The following TNFRSF10A variants were observed in gnomAD, a reference collection of about 807,000 sequenced individuals.
TNFRSF10A encodes tumor necrosis factor receptor superfamily member 10A.
Under a neutral mutation model 42.8 loss-of-function variants are expected in TNFRSF10A, and 44 were observed. The observed-to-expected ratio is 1.03, with a 90% CI of 0.81 to 1.32. The LOEUF (loss-of-function observed/expected upper bound fraction) is 1.32, where lower values mean the gene tolerates loss of function less well. TNFRSF10A is among the 40% of genes most tolerant of loss of function. The pLI is 0.00. For missense variants in TNFRSF10A, 680 were observed against 602.0 expected (o/e 1.13, Z -1.36); for synonymous variants, 259 against 234.2 (o/e 1.11, Z -0.97).
At position 23,199,324 on chromosome 8, in the gene TNFRSF10A, T is replaced by C. The variant is rs143024890; in HGVS notation, c.956A>G (p.Glu319Gly). The C allele has an allele frequency of 3.0e-5, 48 of 1,614,034 alleles. No individual in the cohort carries two copies. The African/African-American group carries it at 4.3e-4, about 14-fold the overall frequency. ...FVSEQQMESQ[E>G]PADLTGVTVQ... ...AGTGACACCTGTCAAATCTGCCGGC[T>C]CCTGGCTTTCCATTTGCTGCTCAGA... The change falls in exon 8 of 10, where the codon GAG becomes GGG. Residue 319 changes from glutamate (E) to glycine (G), a missense_variant. Physicochemically the swap from Glu to Gly is moderately conservative, Grantham distance 98. Coordinates refer to ENST00000221132, the MANE Select transcript of TNFRSF10A (RefSeq NM_003844.4).
At chr8:23,192,901 A>C (rs574747732) in intron 9 of TNFRSF10A, among the ~76,000 whole-genome samples, 1 of 152,220 alleles carries the variant, frequency 6.6e-6, no homozygotes, top group Non-Finnish European at 1.5e-5. Flanking sequence ...TCTCAAAAAA[A>C]GTAGCAAAGA....
At chr8:23,198,675 T>C (rs1186309174) in intron 8 of TNFRSF10A, among the ~76,000 whole-genome samples, 1 of 152,158 alleles carries the variant, frequency 6.6e-6, no homozygotes, top group Admixed American at 6.5e-5. Flanking sequence ...CATGAACTGG[T>C]ACAAACCAAC....
intron 3 of TNFRSF10A, 140 bp from the exon 4 acceptor site, chr8:23,202,059 C>T: frequency 1.4e-6 from 1 of 694,050 alleles, no homozygotes; most frequent in Non-Finnish European, 2.5e-6. Context: ...TCTGCACCAG[C>T]ACACTCGGGC....
intron 1 of TNFRSF10A, among the ~76,000 whole-genome samples, chr8:23,217,871 G>A (rs1433907708): frequency 2.0e-5 from 3 of 152,178 alleles, no homozygotes; most frequent in Non-Finnish European, 2.9e-5. Flanking sequence ...TCAATAACCC[G>A]AGTCACGAGG....
chr8:23,218,167 A>T (rs896061833), intron 1 of TNFRSF10A, among the ~76,000 whole-genome samples: 9 of 150,580 alleles, frequency 6.0e-5, no homozygotes, highest in African/African-American at 2.2e-4. Context: ...TGTGTGTGTG[A>T]GAGAGAGAGA....
At position 23,190,759 on chromosome 8, in the gene TNFRSF10A, C is replaced by T. The variant is rs1800743296; in HGVS notation, c.*935G>A. 1 of 152,144 alleles carries T rather than the reference C, an allele frequency of 6.6e-6. No homozygotes were observed. The allele number at this position is 152,144 out of a possible 1,614,324, so 9.4% of individuals were successfully genotyped here. ...TCTGATAATGGAGGTTGAGAAGTTC[C>T]ACAACAGGCCATCTGCACAGCAGAG... is the stretch of plus-strand genomic sequence containing the variant. On this transcript the variant is annotated 3_prime_UTR_variant, in exon 10 of 10. Coordinates refer to ENST00000221132, the MANE Select transcript of TNFRSF10A (RefSeq NM_003844.4).
intron 2 of TNFRSF10A, among the ~76,000 whole-genome samples, chr8:23,204,874 C>T (rs1292640912): frequency 6.6e-6 from 1 of 151,874 alleles, no homozygotes; most frequent in Non-Finnish European, 1.5e-5. Context: ...CACAACATAC[C>T]AAAACCTATG....
At chr8:23,217,560 T>G (rs764267325) in intron 1 of TNFRSF10A, among the ~76,000 whole-genome samples, 5 of 152,078 alleles carry the variant, frequency 3.3e-5, no homozygotes, top group Admixed American at 1.3e-4. Context: ...AAAAAAAATC[T>G]CTACTAATAG....
chr8:23,198,785 G>A (rs903142935), intron 8 of TNFRSF10A, among the ~76,000 whole-genome samples: 7 of 152,168 alleles, frequency 4.6e-5, no homozygotes, highest in African/African-American at 7.2e-5. Flanking sequence ...GTGTATGTGC[G>A]TGTACACAGT....
chr8:23,213,616 T>C (rs1801126922), intron 1 of TNFRSF10A, among the ~76,000 whole-genome samples: 3 of 151,612 alleles, frequency 2.0e-5, no homozygotes, highest in East Asian at 3.9e-4. Context: ...CCCAGCTACG[T>C]TTTTTGTATT....
In TNFRSF10A at chr8:23,212,173, G is replaced by T. The variant is rs1801101429; in HGVS notation, c.346C>A (p.Gln116Lys). The T allele has an allele frequency of 1.2e-6, 2 of 1,613,832 alleles. No homozygotes were observed. Among genetic ancestry groups the T allele is most frequent in the Non-Finnish European group, 1.7e-6 (2 of 1,179,820 alleles). The change falls in exon 2 of 10, where the codon CAA (glutamine) becomes AAA (lysine). Residue 116 changes from glutamine to lysine, a missense_variant. By Grantham distance (53) the Gln-to-Lys change is moderately conservative. Coordinates refer to ENST00000221132, the MANE Select transcript of TNFRSF10A (RefSeq NM_003844.4). The stretch of plus-strand genomic sequence containing the variant: ...TCCCATTGCTGTGTGCCAATTGATT[G>T]ATCATGAAGTTTGATGGTTGCAGCT... ...SSAATIKLHD[Q>K]SIGTQQWEHS...
At position 23,224,766 on chromosome 8, in the gene TNFRSF10A, A is replaced by T; in HGVS notation, c.296T>A (p.Val99Asp). The change falls in exon 1 of 10, where the codon GTC becomes GAC. Residue 99 changes from valine (V) to aspartate (D), a missense_variant. Coordinates refer to ENST00000221132, the MANE Select transcript of TNFRSF10A (RefSeq NM_003844.4). ...HKTFKFVVVG[V>D]LLQVVPSSAA... ...GCGGTGGGGACTCACCTGCAGCAGG[A>T]CCCCGACGACGACAAACTTGAAGGT... The T allele has an allele frequency of 6.4e-7, 1 of 1,566,042 alleles. No homozygotes were observed. The highest frequency in any genetic ancestry group is 8.7e-7 in the Non-Finnish European group (1 of 1,155,688).
At chr8:23,222,053 A>G (rs1426908665) in intron 1 of TNFRSF10A, among the ~76,000 whole-genome samples, 3 of 151,704 alleles carry the variant, frequency 2.0e-5, no homozygotes, top group Non-Finnish European at 4.4e-5. Context: ...ATTTTTTTCA[A>G]TTTTTAGTAG....
chr8:23,217,878 G>A (rs997345417), intron 1 of TNFRSF10A, among the ~76,000 whole-genome samples: 19 of 152,180 alleles, frequency 1.2e-4, no homozygotes, highest in Non-Finnish European at 4.4e-5. Flanking sequence ...CCCGAGTCAC[G>A]AGGGGCTGCC....
At chr8:23,203,644 A>T (rs548408560) in intron 2 of TNFRSF10A, among the ~76,000 whole-genome samples, 4 of 152,266 alleles carry the variant, frequency 2.6e-5, no homozygotes, top group African/African-American at 9.6e-5. Context: ...ATTGAAAGAT[A>T]CTCTTAGAAA....
chr8:23,216,729 A>G (rs4599821), intron 1 of TNFRSF10A, among the ~76,000 whole-genome samples: 39,931 of 151,268 alleles, frequency 0.26, 5,749 homozygotes, highest in East Asian at 0.68. Context: ...GCGACAGAGC[A>G]AGAAGCCAAT....
intron 1 of TNFRSF10A, among the ~76,000 whole-genome samples, chr8:23,215,470 T>C (rs1244540392): frequency 1.3e-5 from 2 of 152,032 alleles, no homozygotes; most frequent in African/African-American, 4.8e-5. Context: ...ATTGCACCAC[T>C]GCACCCCGGC....
chr8:23,192,805 C>G (rs1800774482), intron 9 of TNFRSF10A, among the ~76,000 whole-genome samples: 1 of 152,082 alleles, frequency 6.6e-6, no homozygotes, highest in Admixed American at 6.5e-5. Flanking sequence ...TTTTGATAAA[C>G]AGAAATTGAC....
At chr8:23,208,439 T>C (rs888026958) in intron 2 of TNFRSF10A, among the ~76,000 whole-genome samples, 3 of 152,148 alleles carry the variant, frequency 2.0e-5, no homozygotes, top group Non-Finnish European at 4.4e-5. Flanking sequence ...TCCTGGTATA[T>C]AATTCTTTTT....
Sources: gnomAD v4.1 joint callset for allele counts (sites outside exome capture counted in the v4.1 genomes callset) on GRCh38, gnomAD v4.1.1 for gene constraint, MANE v1.5 for transcripts, NCBI Gene and HGNC (gene_info 2026-07-23, HGNC 2026-07-21) for gene names.